Variants in GNA14 observed in about 807,000 individuals in gnomAD.
GNA14 encodes the protein guanine nucleotide-binding protein subunit alpha-14.
Under a neutral mutation model 42.0 loss-of-function variants are expected in GNA14, and 50 were observed. The ratio of observed to expected loss-of-function variants is 1.19; its 90% CI spans 0.95 to 1.51. The LOEUF is 1.51. Ranked by LOEUF, GNA14 falls within the 40% of genes most tolerant of loss-of-function variation. The pLI is 0.00. For missense variants in GNA14, 473 were observed against 446.2 expected (o/e 1.06, Z -0.54); for synonymous variants, 173 against 163.1 (o/e 1.06, Z -0.46).
At chr9:77,510,274 T>C (rs1048039609) in intron 2 of GNA14, among the ~76,000 whole-genome samples, 1 of 152,224 alleles carries the variant, frequency 6.6e-6, no homozygotes, top group Non-Finnish European at 1.5e-5. Flanking sequence ...CCAAGGTTCA[T>C]GCATGTTGTA....
intron 1 of GNA14, among the ~76,000 whole-genome samples, chr9:77,617,298 A>G: frequency 6.6e-6 from 1 of 151,956 alleles, no homozygotes; most frequent in East Asian, 1.9e-4. Flanking sequence ...CACCAAATCC[A>G]TTCTCCAACC....
At chr9:77,622,990 G>A (rs1319043040) in intron 1 of GNA14, among the ~76,000 whole-genome samples, 6 of 150,810 alleles carry the variant, frequency 4.0e-5, no homozygotes, top group South Asian at 2.1e-4. Flanking sequence ...CAAGATGAGC[G>A]GATCACCTGA....
chr9:77,593,080 A>G (rs1165540248), intron 1 of GNA14, among the ~76,000 whole-genome samples: 4 of 152,170 alleles, frequency 2.6e-5, no homozygotes, highest in Admixed American at 6.5e-5. Context: ...TTGCACTTAT[A>G]ATAGCCTAAT....
chr9:77,632,816 C>T (rs1824119904), intron 1 of GNA14, among the ~76,000 whole-genome samples: 1 of 152,170 alleles, frequency 6.6e-6, no homozygotes, highest in South Asian at 2.1e-4. Context: ...CCCATGCTCG[C>T]TCACACACCC....
chr9:77,455,425 C>A (rs973503845), intron 2 of GNA14, among the ~76,000 whole-genome samples: 1 of 152,174 alleles, frequency 6.6e-6, no homozygotes, highest in African/African-American at 2.4e-5. Context: ...TTTGTATATC[C>A]CATAATCTAA....
At chr9:77,631,646 A>C (rs901755793) in intron 1 of GNA14, among the ~76,000 whole-genome samples, 1 of 152,180 alleles carries the variant, frequency 6.6e-6, no homozygotes, top group Non-Finnish European at 1.5e-5. Context: ...CAAAAAGTAA[A>C]ATAAAACAAA....
chr9:77,570,980 C>T (rs1823049629), intron 1 of GNA14, among the ~76,000 whole-genome samples: 1 of 152,150 alleles, frequency 6.6e-6, no homozygotes, highest in Admixed American at 6.5e-5. Context: ...TGAGACCCAA[C>T]TAAGTGCTAG....
At chr9:77,531,113 T>G (rs1207411724) in intron 1 of GNA14, among the ~76,000 whole-genome samples, 1 of 152,158 alleles carries the variant, frequency 6.6e-6, no homozygotes, top group Admixed American at 6.5e-5. Flanking sequence ...TGCTTGCAAA[T>G]ATATCTCTCA....
intron 2 of GNA14, among the ~76,000 whole-genome samples, chr9:77,527,642 T>C (rs1220734413): frequency 6.6e-6 from 1 of 152,184 alleles, no homozygotes; most frequent in Non-Finnish European, 1.5e-5. Context: ...TTGTTTTGTT[T>C]TGTTTTTTGA....
chr9:77,471,590 A>G (rs1836330572), intron 2 of GNA14, among the ~76,000 whole-genome samples: 1 of 152,222 alleles, frequency 6.6e-6, no homozygotes, highest in African/African-American at 2.4e-5. Context: ...CAATCTGAGC[A>G]GGGACAGTGG....
chr9:77,570,780 A>AG (rs1203235613), intron 1 of GNA14, among the ~76,000 whole-genome samples: 3 of 152,160 alleles, frequency 2.0e-5, no homozygotes, highest in African/African-American at 2.4e-5. Flanking sequence ...GTCGTATGGT[A>AG]GCTCCATGTT....
intron 3 of GNA14, among the ~76,000 whole-genome samples, chr9:77,431,857 A>G (rs991967580): frequency 5.3e-5 from 8 of 152,186 alleles, no homozygotes; most frequent in Non-Finnish European, 1.2e-4. Flanking sequence ...AGAGCATTAT[A>G]TAATGGAGAT....
At chr9:77,525,684 A>G (rs982683272) in intron 2 of GNA14, among the ~76,000 whole-genome samples, 6 of 148,940 alleles carry the variant, frequency 4.0e-5, no homozygotes, top group Non-Finnish European at 7.4e-5. Context: ...GACTACAGGT[A>G]CCCGCCAACA....
chr9:77,475,077 G>T (rs1587784829), intron 2 of GNA14, among the ~76,000 whole-genome samples: 2 of 149,886 alleles, frequency 1.3e-5, no homozygotes, highest in African/African-American at 5.1e-5. Context: ...CCACACCCAA[G>T]TTGGCTGGCA....
Position 77,592,006 on chromosome 9 carries a change from C to T in GNA14, c.124+55664G>A, listed in dbSNP as rs889064562. 2.6e-5 allele frequency among the ~76,000 whole-genome samples: 4 copies of T among 151,854 alleles called. 1 individual carries two copies. The highest frequency in any genetic ancestry group is 7.3e-5 in the African/African-American group (3 of 41,310). On this transcript the variant is annotated intron_variant, in intron 1 of 6. Coordinates refer to ENST00000341700, the MANE Select transcript of GNA14 (RefSeq NM_004297.4). ...CTCAGCTCACTGCAAGCTCCGCTTC[C>T]CGGGTTCATGCCATTCTCCTGCCTC... is the stretch of plus-strand genomic sequence containing the variant.
chr9:77,603,961 A>ACAAAAAC (rs1448687803), intron 1 of GNA14, among the ~76,000 whole-genome samples: 2 of 64,256 alleles, frequency 3.1e-5, no homozygotes, highest in African/African-American at 8.5e-5. Context: ...AAAAACAAAA[A>ACAAAAAC]AAAAAAAAAA....
At chr9:77,460,856 G>C (rs762673817) in intron 2 of GNA14, among the ~76,000 whole-genome samples, 126 of 152,262 alleles carry the variant, frequency 8.3e-4, no homozygotes, top group Middle Eastern at 3.4e-3. Flanking sequence ...CAGTGTCGTT[G>C]ACTTTGTTTT....
At chr9:77,527,745 T>C (rs1239417449) in intron 2 of GNA14, among the ~76,000 whole-genome samples, 1 of 152,232 alleles carries the variant, frequency 6.6e-6, no homozygotes, top group Non-Finnish European at 1.5e-5. Context: ...GTGATTCTCC[T>C]GCCTCAGCTT....
Position 77,536,392 on chromosome 9 carries a change from G to A in GNA14, c.125-7139C>T, listed in dbSNP as rs534388443. Among the ~76,000 whole-genome samples, 17 of 152,114 alleles carry A rather than the reference G, an allele frequency of 1.1e-4. No homozygotes were observed. The South Asian group carries it at 3.3e-3, about 30-fold the overall frequency. Reference sequence around the variant, plus strand: ...AGAGACAAGAGTCTCGCTCTGTCGCGCAGGCTGGAGTGCAGTCACACGATC... The same window carrying A: ...AGAGACAAGAGTCTCGCTCTGTCGCACAGGCTGGAGTGCAGTCACACGATC... On this transcript the variant is annotated intron_variant, in intron 1 of 6. Transcript: ENST00000341700.
Sources: allele counts gnomAD v4.1 joint callset (sites outside exome capture counted in the v4.1 genomes callset), GRCh38; gene constraint gnomAD v4.1.1; transcripts MANE v1.5; gene names NCBI Gene and HGNC (gene_info 2026-07-23, HGNC 2026-07-21).